PCDHGA11: variants seen among roughly 807,000 people sequenced by gnomAD.
The protein encoded by PCDHGA11 is protocadherin gamma subfamily A, 11, also known as protocadherin gamma-A11.
In PCDHGA11, 39 loss-of-function variants were observed where a neutral mutation model predicts 60.4. The ratio of observed to expected loss-of-function variants is 0.65; its 90% CI spans 0.50 to 0.84. The LOEUF is 0.84. PCDHGA11 is among the 40% of genes least tolerant of loss of function. The pLI, the probability that PCDHGA11 is intolerant of heterozygous loss-of-function variation, is 0.00. For missense variants in PCDHGA11, 1,165 were observed against 1,197.7 expected (o/e 0.97, Z 0.40); for synonymous variants, 533 against 510.3 (o/e 1.04, Z -0.60).
Position 141,491,906 on chromosome 5 carries a change from T to A in PCDHGA11, c.2434-2901T>A, listed in dbSNP as rs1490050332. On this transcript the variant is annotated intron_variant, in intron 1 of 3. Transcript: ENST00000398587. The surrounding 1 kb of genome is among the most constrained non-coding windows in gnomAD (Gnocchi z 6.9). ...ATGGGGCTCCGAGCACCGGGGGTGG[T>A]GGCGACTGTGGGCGAGGGGAGGTGG... is the stretch of plus-strand genomic sequence containing the variant. 7.1e-7 allele frequency: 1 copy of A among 1,414,468 alleles called. No individual in the cohort carries two copies. Among genetic ancestry groups the A allele is most frequent in the African/African-American group, 1.4e-5 (1 of 69,002 alleles). 87.6% of individuals were successfully genotyped at this position (1,414,468 alleles called of 1,614,324 possible).
At chr5:141,506,188 C>A (rs925159785) in intron 3 of PCDHGA11, among the ~76,000 whole-genome samples, 1 of 152,058 alleles carries the variant, frequency 6.6e-6, no homozygotes, top group Non-Finnish European at 1.5e-5. Flanking sequence ...TGGTGGCTCA[C>A]GCCTGTAATC....
intron 1 of PCDHGA11, among the ~76,000 whole-genome samples, chr5:141,473,191 G>C (rs28479996): frequency 6.6e-6 from 1 of 152,134 alleles, no homozygotes; most frequent in South Asian, 2.1e-4. Flanking sequence ...AGGAGTAAAT[G>C]TATCTTCTAA....
intron 1 of PCDHGA11, among the ~76,000 whole-genome samples, chr5:141,456,778 C>T (rs568292085): frequency 3.7e-4 from 57 of 152,242 alleles, no homozygotes; most frequent in African/African-American, 1.3e-3. Flanking sequence ...GCCTGGCCTA[C>T]ATGGCAAAAC....
At chr5:141,503,555 C>T (rs1010409481) in intron 2 of PCDHGA11, among the ~76,000 whole-genome samples, 2 of 148,816 alleles carry the variant, frequency 1.3e-5, no homozygotes, top group African/African-American at 5.0e-5. Context: ...GCCGAGATCG[C>T]GCCACTGTAC....
intron 3 of PCDHGA11, among the ~76,000 whole-genome samples, chr5:141,510,691 T>C (rs1013489554): frequency 4.6e-5 from 7 of 152,138 alleles, no homozygotes; most frequent in African/African-American, 1.7e-4. Flanking sequence ...GGAGGTTAGG[T>C]AGACTTGCCC....
In PCDHGA11 at chr5:141,511,421, G is replaced by A. The variant is rs1289887363; in HGVS notation, c.*248G>A. 19 of 829,148 alleles carry A rather than the reference G, an allele frequency of 2.3e-5. No individual in the cohort carries two copies. The highest frequency in any genetic ancestry group is 3.8e-4 in the Middle Eastern group (1 of 2,640). 51.4% of individuals were successfully genotyped at this position (829,148 alleles called of 1,614,324 possible). On this transcript the variant is annotated 3_prime_UTR_variant, in exon 4 of 4. Coordinates refer to ENST00000398587, the MANE Select transcript of PCDHGA11 (RefSeq NM_018914.3). The stretch of plus-strand genomic sequence containing the variant: ...CCAATCAACTGCTGTACCCATGGGG[G>A]TAGTGGGGTTACTGTAGACACCAAG...
intron 1 of PCDHGA11, among the ~76,000 whole-genome samples, chr5:141,488,115 G>A (rs936010936): frequency 1.4e-4 from 21 of 152,298 alleles, no homozygotes; most frequent in Middle Eastern, 3.4e-3. Flanking sequence ...TTGAAACATA[G>A]AGACAGCAGA....
intron 1 of PCDHGA11, among the ~76,000 whole-genome samples, chr5:141,448,632 T>G (rs1383720361): frequency 1.3e-5 from 2 of 152,106 alleles, no homozygotes; most frequent in Admixed American, 1.3e-4. Context: ...TTCTTCACAT[T>G]ATATCCTTTA....
At position 141,476,172 on chromosome 5, in the gene PCDHGA11, T is replaced by C; in HGVS notation, c.2434-18635T>C. 6.2e-7 allele frequency: 1 copy of C among 1,612,930 alleles called. No individual in the cohort carries two copies. The highest frequency in any genetic ancestry group is 1.1e-5 in the South Asian group (1 of 91,026). On this transcript the variant is annotated intron_variant, in intron 1 of 3. Coordinates refer to ENST00000398587, the MANE Select transcript of PCDHGA11 (RefSeq NM_018914.3). This position sits in a 1 kb window ranked among gnomAD's most constrained non-coding sequence, Gnocchi z 7.6. ...GTAAGCACCGGGAGGGTAGTGGGAG[T>C]TTTGCTTCTGCTTGGTGCCTTGAAC...
At chr5:141,481,220 C>T (rs896803040) in intron 1 of PCDHGA11, among the ~76,000 whole-genome samples, 1 of 152,130 alleles carries the variant, frequency 6.6e-6, no homozygotes, top group African/African-American at 2.4e-5. Context: ...GGTAAGGTCT[C>T]CCAGCCTTAA....
Position 141,489,752 on chromosome 5 carries a change from C to G in PCDHGA11, c.2434-5055C>G. ...GGCACCAATACTGTGAGCTTTTACA[C>G]TCTAAGCCCCAACAGCCACTTCTCT... On this transcript the variant is annotated intron_variant, in intron 1 of 3. Coordinates refer to ENST00000398587, the MANE Select transcript of PCDHGA11 (RefSeq NM_018914.3). This position sits in a 1 kb window ranked among gnomAD's most constrained non-coding sequence, Gnocchi z 4.5. The G allele has an allele frequency of 6.2e-7, 1 of 1,614,136 alleles. No individual in the cohort carries two copies. The highest frequency in any genetic ancestry group is 8.5e-7 in the Non-Finnish European group (1 of 1,179,972).
Position 141,485,716 on chromosome 5 carries a change from T to C in PCDHGA11, c.2434-9091T>C. Reference sequence around the variant, plus strand: ...GCTCCAATGAACACTTTGCACTGGATGTGAAGAAGCGCAGCGACGGCAGCC... The same window carrying C: ...GCTCCAATGAACACTTTGCACTGGACGTGAAGAAGCGCAGCGACGGCAGCC... On this transcript the variant is annotated intron_variant, in intron 1 of 3. Coordinates refer to ENST00000398587, the MANE Select transcript of PCDHGA11 (RefSeq NM_018914.3). The surrounding 1 kb of genome is among the most constrained non-coding windows in gnomAD (Gnocchi z 5.7). The C allele has an allele frequency of 6.2e-7, 1 of 1,614,044 alleles. No individual in the cohort carries two copies. Among genetic ancestry groups the C allele is most frequent in the Non-Finnish European group, 8.5e-7 (1 of 1,180,002 alleles).
At position 141,477,632 on chromosome 5, in the gene PCDHGA11, G is replaced by A. The variant is rs1262622928; in HGVS notation, c.2434-17175G>A. Reference sequence around the variant, plus strand: ...GGAGCAAGGAGCTGAAACCGGGCTAGTGGGTCGCTATTTCACAATAAATCG... The same window carrying A: ...GGAGCAAGGAGCTGAAACCGGGCTAATGGGTCGCTATTTCACAATAAATCG... On this transcript the variant is annotated intron_variant, in intron 1 of 3. Coordinates refer to ENST00000398587, the MANE Select transcript of PCDHGA11 (RefSeq NM_018914.3). This position sits in a 1 kb window ranked among gnomAD's most constrained non-coding sequence, Gnocchi z 4.9. 6.8e-6 allele frequency: 11 copies of A among 1,614,218 alleles called. No homozygotes were observed. Among genetic ancestry groups the A allele is most frequent in the Non-Finnish European group, 9.3e-6 (11 of 1,180,046 alleles).
At chr5:141,499,021 GAAGGAAGA>G (rs1193940810) in intron 2 of PCDHGA11, among the ~76,000 whole-genome samples, 2 of 140,162 alleles carry the variant, frequency 1.4e-5, no homozygotes, top group East Asian at 2.1e-4. Flanking sequence ...AGGAAGGAAG[GAAGGAAGA>G]AAAGAAAGAA....
chr5:141,450,264 C>T (rs1395960399), intron 1 of PCDHGA11, among the ~76,000 whole-genome samples: 1 of 152,112 alleles, frequency 6.6e-6, no homozygotes, highest in Non-Finnish European at 1.5e-5. Flanking sequence ...GTGATCTGCC[C>T]ACCTCAGCTA....
chr5:141,494,878 T>A lies in PCDHGA11; in HGVS notation c.2492+13T>A. Reference sequence around the variant, plus strand: ...CCGGCACCAGCGGGTAGGTGACTGATTCTCCAGCCCACCCTCTTCTCTGCG... The same window carrying A: ...CCGGCACCAGCGGGTAGGTGACTGAATCTCCAGCCCACCCTCTTCTCTGCG... On this transcript the variant is annotated intron_variant, in intron 2 of 3. Coordinates refer to ENST00000398587, the MANE Select transcript of PCDHGA11 (RefSeq NM_018914.3). The A allele has an allele frequency of 6.2e-7, 1 of 1,614,072 alleles. No homozygotes were observed. The highest frequency in any genetic ancestry group is 8.5e-7 in the Non-Finnish European group (1 of 1,179,986).
intron 1 of PCDHGA11, among the ~76,000 whole-genome samples, chr5:141,445,700 A>G (rs2098474731): frequency 6.6e-6 from 1 of 152,216 alleles, no homozygotes; most frequent in Non-Finnish European, 1.5e-5. Flanking sequence ...TAAAAAAGAA[A>G]TTGTCAGGCA....
At chr5:141,502,234 C>T (rs1482411915) in intron 2 of PCDHGA11, among the ~76,000 whole-genome samples, 1 of 152,108 alleles carries the variant, frequency 6.6e-6, no homozygotes, top group Non-Finnish European at 1.5e-5. Flanking sequence ...TCTGTGTGTT[C>T]TTTTATCCTT....
intron 1 of PCDHGA11, among the ~76,000 whole-genome samples, chr5:141,425,864 A>T (rs2096899427): frequency 6.6e-6 from 1 of 152,254 alleles, no homozygotes; most frequent in African/African-American, 2.4e-5. Flanking sequence ...TGTTCTATAG[A>T]TTCCCATCTC....
Sources: allele counts gnomAD v4.1 joint callset (sites outside exome capture counted in the v4.1 genomes callset), GRCh38; gene constraint gnomAD v4.1.1; non-coding constraint Gnocchi (gnomAD v3.1); transcripts MANE v1.5; gene names NCBI Gene and HGNC (gene_info 2026-07-23, HGNC 2026-07-21).